The following DHX29 variants were observed in gnomAD, a reference collection of about 807,000 sequenced individuals.
The protein encoded by DHX29 is DExH-box helicase 29, also known as ATP-dependent RNA helicase DHX29.
A neutral mutation model predicts 167.9 loss-of-function variants in DHX29; 79 were observed. The observed-to-expected ratio is 0.47, with a 90% confidence interval of 0.39 to 0.57. The LOEUF (loss-of-function observed/expected upper bound fraction) is 0.57, where lower values mean the gene tolerates loss of function less well. DHX29 is among the 20% of genes least tolerant of loss of function. The pLI is 0.00. For synonymous variants in DHX29, 530 were observed against 546.0 expected, an observed-to-expected ratio of 0.97 and a Z score of 0.41; for missense variants, 1,347 against 1,593.4, an observed-to-expected ratio of 0.85 and a Z score of 2.63.
At chr5:55,268,976 T>G (rs1036424151) in intron 21 of DHX29, among the ~76,000 whole-genome samples, 3 of 152,170 alleles carry the variant, frequency 2.0e-5, no homozygotes, top group Middle Eastern at 3.4e-3. Context: ...TACAGAACAC[T>G]TCAGTAATGG....
intron 1 of DHX29, among the ~76,000 whole-genome samples, chr5:55,305,726 CG>C (rs1748827494): frequency 6.6e-6 from 1 of 152,032 alleles, no homozygotes; most frequent in African/African-American, 2.4e-5. Flanking sequence ...ACAAGGAAGT[CG>C]AAGAAAAAGT....
rs573300414 is a variant in DHX29, at chr5:55,268,716, T to TGGAA, written c.3294+696_3294+697insTTCC. Reference sequence around the variant, plus strand: ...CCATAGCTTGATAAAGTTGTAAAGCTTTGTGCCCAGAGACTCAGACAGATT... The same window carrying TGGAA: ...CCATAGCTTGATAAAGTTGTAAAGCTGGAATTGTGCCCAGAGACTCAGACAGATT... On this transcript the variant is annotated intron_variant, in intron 21 of 26. Coordinates refer to ENST00000251636, the MANE Select transcript of DHX29 (RefSeq NM_019030.4). 2.4e-3 allele frequency among the ~76,000 whole-genome samples: 358 copies of TGGAA among 152,318 alleles called. 1 individual carries two copies. Among genetic ancestry groups the TGGAA allele is most frequent in the Middle Eastern group, 0.02 (6 of 294 alleles).
intron 22 of DHX29, 38 bp from the exon 23 acceptor site, chr5:55,267,269 C>G: frequency 6.7e-7 from 1 of 1,483,728 alleles, no homozygotes; most frequent in Non-Finnish European, 9.4e-7. Flanking sequence ...ATAAAGTTCA[C>G]CATGTTCTCT....
intron 24 of DHX29, among the ~76,000 whole-genome samples, chr5:55,262,081 C>T (rs1047618286): frequency 1.3e-5 from 2 of 151,972 alleles, no homozygotes; most frequent in African/African-American, 4.8e-5. Flanking sequence ...AACAAAAACC[C>T]AAAATATAAA....
At position 55,304,309 on chromosome 5, in the gene DHX29, CTTTTTTTTTTTTTT is replaced by C. The variant is rs397882409; in HGVS notation, c.187+3064_187+3077del. Among the ~76,000 whole-genome samples, 6 of 112,666 alleles carry C rather than the reference CTTTTTTTTTTTTTT, an allele frequency of 5.3e-5. No homozygotes were observed. The Admixed American group carries it at 5.7e-4, about 11-fold the overall frequency. The allele number at this position is 112,666 out of a possible 152,430, so 73.9% of individuals were successfully genotyped here. A position where few individuals can be genotyped will look rare whatever the true frequency, so the allele number is the denominator to read the frequency against. ...GCCTCCTTTGCTTGCTCAAATGTCACTTTTTTTTTTTTTTTTTTTTTTGAGACCGAGTCTTGCTG... is the reference window on the plus strand; with the variant it reads ...GCCTCCTTTGCTTGCTCAAATGTCACTTTTTTTTGAGACCGAGTCTTGCTG... On this transcript the variant is annotated intron_variant, in intron 1 of 26. Transcript: ENST00000251636.
intron 1 of DHX29, among the ~76,000 whole-genome samples, chr5:55,303,438 T>C (rs569893363): frequency 3.3e-5 from 5 of 152,018 alleles, no homozygotes; most frequent in Non-Finnish European, 5.9e-5. Context: ...AAGTGCAGAG[T>C]GCCAAGAAAA....
chr5:55,296,391 T>C, intron 3 of DHX29, 42 bp from the exon 4 acceptor site: 1 of 1,584,186 alleles, frequency 6.3e-7, no homozygotes, highest in South Asian at 1.2e-5. Flanking sequence ...TTGTCAAAGT[T>C]CCCTTCCTGT....
chr5:55,257,634 A>C (rs1746116027), intron 26 of DHX29, among the ~76,000 whole-genome samples: 1 of 152,218 alleles, frequency 6.6e-6, no homozygotes, highest in Non-Finnish European at 1.5e-5. Flanking sequence ...AGTAAAAGAA[A>C]GTACAAGAGT....
rs1748187742 is a variant in DHX29 at position 55,294,148 on chromosome 5, A to G, written c.652-3T>C. 6.3e-7 allele frequency: 1 copy of G among 1,579,626 alleles called. No individual in the cohort carries two copies. The highest frequency in any genetic ancestry group is 8.6e-7 in the Non-Finnish European group (1 of 1,168,534). On this transcript the variant is annotated splice_polypyrimidine_tract_variant and splice_region_variant and intron_variant, in intron 5 of 26. Transcript: ENST00000251636. ...ATATTTTTTTCTTCCTTTTTTGGCT[A>G]GAAAGAGAAAACAAATATCTGAAAA...
At chr5:55,301,928 A>G (rs1748625502) in intron 1 of DHX29, among the ~76,000 whole-genome samples, 1 of 152,152 alleles carries the variant, frequency 6.6e-6, no homozygotes, top group Non-Finnish European at 1.5e-5. Context: ...AGATATTTTA[A>G]AAGAACAAAA....
At chr5:55,270,744 G>T (rs930433553) in intron 18 of DHX29, 38 bp from the exon 19 acceptor site, 1 of 1,556,294 alleles carries the variant, frequency 6.4e-7, no homozygotes, top group Non-Finnish European at 8.8e-7. Flanking sequence ...GTAGATAATT[G>T]ACTTAAGTCA....
chr5:55,286,249 G>A (rs1399631794), intron 8 of DHX29, among the ~76,000 whole-genome samples: 9 of 145,958 alleles, frequency 6.2e-5, no homozygotes, highest in East Asian at 6.0e-4. Context: ...GCGACACTCC[G>A]TCTCAAAAAA....
chr5:55,267,113 G>A, intron 23 of DHX29, 25 bp downstream of exon 23: 1 of 1,466,780 alleles, frequency 6.8e-7, no homozygotes, highest in Non-Finnish European at 9.5e-7. Context: ...ATGACTCTGA[G>A]TGAGAGATCC....
chr5:55,290,723 A>G (rs1748000290), intron 6 of DHX29, among the ~76,000 whole-genome samples: 1 of 152,220 alleles, frequency 6.6e-6, no homozygotes. Context: ...ATTTCTATAA[A>G]AACTGTTTCA....
At chr5:55,285,166 G>C in intron 10 of DHX29, 127 bp downstream of exon 10, 2 of 1,395,202 alleles carry the variant, frequency 1.4e-6, no homozygotes. Context: ...GTTTAGGGTT[G>C]AAAGGAAGCC....
rs760091990 is a variant in DHX29 at position 55,295,542 on chromosome 5, T to G, written c.506-18A>C. 2 of 1,606,506 alleles carry G rather than the reference T, an allele frequency of 1.2e-6. No homozygotes were observed. Among genetic ancestry groups the G allele is most frequent in the Non-Finnish European group, 1.7e-6 (2 of 1,177,912 alleles). ...AAGTGCATCTTAAAATAAAAGAAAC[T>G]ATGCTGAAAATAAACAGGCATATGA... is the stretch of plus-strand genomic sequence containing the variant. On this transcript the variant is annotated intron_variant, in intron 4 of 26. Coordinates refer to ENST00000251636, the MANE Select transcript of DHX29 (RefSeq NM_019030.4).
Position 55,270,145 on chromosome 5 carries a change from C to G in DHX29, c.3069+267G>C, listed in dbSNP as rs2111825922. 1.3e-5 allele frequency among the ~76,000 whole-genome samples: 2 copies of G among 152,014 alleles called. 1 individual carries two copies. The highest frequency in any genetic ancestry group is 4.2e-4 in the South Asian group (2 of 4,804). ...CAACCAAAAATATCTCCTGACATTG[C>G]CCAATGTCCCCTGGTAGGCAACAGT... is the stretch of plus-strand genomic sequence containing the variant. On this transcript the variant is annotated intron_variant, in intron 20 of 26. Coordinates refer to ENST00000251636, the MANE Select transcript of DHX29 (RefSeq NM_019030.4).
intron 16 of DHX29, among the ~76,000 whole-genome samples, chr5:55,274,003 A>C (rs566642465): frequency 6.6e-6 from 1 of 150,788 alleles, no homozygotes; most frequent in Non-Finnish European, 1.5e-5. Context: ...CAGGAGAATC[A>C]CTTGAACCCG....
intron 8 of DHX29, among the ~76,000 whole-genome samples, chr5:55,288,212 C>T (rs1181479450): frequency 6.6e-6 from 1 of 151,920 alleles, no homozygotes; most frequent in Non-Finnish European, 1.5e-5. Flanking sequence ...CATTGCACTC[C>T]AGCCTGGGCA....
Sources: gnomAD v4.1 joint callset for allele counts (sites outside exome capture counted in the v4.1 genomes callset) on GRCh38, gnomAD v4.1.1 for gene constraint, MANE v1.5 for transcripts, NCBI Gene and HGNC (gene_info 2026-07-23, HGNC 2026-07-21) for gene names.